SLC36A1: variants seen among roughly 807,000 people sequenced by gnomAD.
SLC36A1 encodes solute carrier family 36 member 1.
Under a neutral mutation model 47.5 loss-of-function variants are expected in SLC36A1, and 30 were observed. That is an observed-to-expected ratio of 0.63 (90% confidence interval 0.47 to 0.86). The LOEUF (loss-of-function observed/expected upper bound fraction) is 0.86. Ranked by LOEUF, SLC36A1 falls within the 40% of genes least tolerant of loss-of-function variation. SLC36A1 has a pLI of 0.00. For missense variants in SLC36A1, 517 were observed against 606.0 expected (o/e 0.85, Z 1.54); for synonymous variants, 255 against 249.7 (o/e 1.02, Z -0.20).
chr5:151,443,619 G>A (rs976830791), upstream of SLC36A1, among the ~76,000 whole-genome samples: 34 of 152,146 alleles, frequency 2.2e-4, no homozygotes, highest in African/African-American at 6.8e-4. Flanking sequence ...ATAAGCTGCC[G>A]TTACACTTTG....
the SLC36A1 span, among the ~76,000 whole-genome samples, chr5:151,417,904 C>G: frequency 2.6e-5 from 4 of 152,182 alleles, no homozygotes; most frequent in East Asian, 7.7e-4. Flanking sequence ...GCCTGGAGGC[C>G]TAGGAGGGTA....
the SLC36A1 span, among the ~76,000 whole-genome samples, chr5:151,391,987 CTTG>C: frequency 6.6e-5 from 10 of 152,098 alleles, no homozygotes; most frequent in Non-Finnish European, 4.4e-5. Context: ...GTACCAGCTC[CTTG>C]TTGTACTTCT....
chr5:151,464,727 A>C (rs1756083309), intron 4 of SLC36A1, 125 bp downstream of exon 4: 1 of 802,532 alleles, frequency 1.2e-6, no homozygotes, highest in Non-Finnish European at 2.1e-6. Context: ...GTAGCAGCTT[A>C]TGATTGCAGC....
At chr5:151,512,928 T>C in the SLC36A1 span, among the ~76,000 whole-genome samples, 86,031 of 152,066 alleles carry the variant, frequency 0.57, 24,820 homozygotes, top group East Asian at 0.83. The surrounding 1 kb of genome is among the most constrained non-coding windows in gnomAD (Gnocchi z 4.1). Context: ...CTGTCCAGAG[T>C]TCCACACTTG....
At chr5:151,351,501 C>G in the SLC36A1 span, among the ~76,000 whole-genome samples, 81,723 of 151,796 alleles carry the variant, frequency 0.54, 24,829 homozygotes, top group African/African-American at 0.84. Flanking sequence ...GAGTGAATTG[C>G]GGATGAGGAG....
the SLC36A1 span, chr5:151,382,162 C>A: frequency 2.0e-6 from 2 of 979,722 alleles, no homozygotes; most frequent in Non-Finnish European, 3.3e-6. Context: ...GAATTGAAGG[C>A]TTTGGTGTGC....
chr5:151,441,856 AATC>A (rs1432776681), intron 1 of SLC36A1, among the ~76,000 whole-genome samples: 5 of 152,176 alleles, frequency 3.3e-5, no homozygotes, highest in Non-Finnish European at 7.4e-5. Context: ...TCACCTGTGA[AATC>A]ATCACAATCA....
rs1756049389 is a variant in SLC36A1, at chr5:151,464,528, C to T, written c.249C>T (p.Ser83=). 2 of 1,613,838 alleles carry T rather than the reference C, an allele frequency of 1.2e-6. No individual in the cohort carries two copies. Among genetic ancestry groups the T allele is most frequent in the African/African-American group, 1.3e-5 (1 of 74,910 alleles). ...KNAGIVMGPI[S]LLIIGIVAVH... is the part of the protein sequence containing the mutation. ...TCTGTCCCCAGATGGGTCCCATCAGCCTGCTGATCATAGGCATCGTGGCCG... is the reference window on the plus strand; with the variant it reads ...TCTGTCCCCAGATGGGTCCCATCAGTCTGCTGATCATAGGCATCGTGGCCG... Residue 83 remains serine, a synonymous_variant, in exon 4 of 11, where the codon AGC becomes AGT. Coordinates refer to ENST00000243389, the MANE Select transcript of SLC36A1 (RefSeq NM_078483.4).
chr5:151,495,682 C>T (rs993371336), downstream of SLC36A1, among the ~76,000 whole-genome samples: 5 of 152,140 alleles, frequency 3.3e-5, no homozygotes, highest in African/African-American at 1.2e-4. Flanking sequence ...CAGTCCCCCA[C>T]ATCCCTAACC....
At chr5:151,507,876 T>C in the SLC36A1 span, among the ~76,000 whole-genome samples, 1 of 152,230 alleles carries the variant, frequency 6.6e-6, no homozygotes, top group African/African-American at 2.4e-5. Context: ...ATCTAGGCAC[T>C]GTATACACTC....
At chr5:151,417,773 A>T in the SLC36A1 span, among the ~76,000 whole-genome samples, 1 of 152,258 alleles carries the variant, frequency 6.6e-6, no homozygotes, top group African/African-American at 2.4e-5. Flanking sequence ...GGTGGGGGGA[A>T]TTCAAGCTGG....
At chr5:151,528,207 A>T in the SLC36A1 span, 1 of 1,563,186 alleles carries the variant, frequency 6.4e-7, no homozygotes, top group South Asian at 1.2e-5. Flanking sequence ...GGAAACAGAT[A>T]TGTCCCTGCC....
At chr5:151,530,010 A>G in the SLC36A1 span, among the ~76,000 whole-genome samples, 9 of 152,344 alleles carry the variant, frequency 5.9e-5, no homozygotes, top group South Asian at 1.9e-3. Flanking sequence ...GCCAATGAAC[A>G]TCTTTTTATA....
chr5:151,531,025 C>T, the SLC36A1 span, among the ~76,000 whole-genome samples: 2 of 152,152 alleles, frequency 1.3e-5, no homozygotes, highest in East Asian at 3.8e-4. The surrounding 1 kb of genome is among the most constrained non-coding windows in gnomAD (Gnocchi z 5.7). Context: ...ACCTGGGTGG[C>T]CTCTGAGGCC....
chr5:151,388,794 C>T, the SLC36A1 span, among the ~76,000 whole-genome samples: 75,341 of 151,874 alleles, frequency 0.5, 20,722 homozygotes, highest in African/African-American at 0.75. Context: ...TGAAATAACT[C>T]GGCCTCTACC....
chr5:151,412,807 A>G, the SLC36A1 span: 1 of 144,028 alleles, frequency 6.9e-6, no homozygotes, highest in Non-Finnish European at 1.5e-5. Context: ...TCCCATCCCT[A>G]TGTCCTCCAG....
the SLC36A1 span, among the ~76,000 whole-genome samples, chr5:151,412,086 A>G: frequency 6.9e-6 from 1 of 145,046 alleles, no homozygotes; most frequent in South Asian, 2.5e-4. Context: ...TTTTGTCTGC[A>G]AACATCCTCC....
chr5:151,397,886 G>A, the SLC36A1 span, among the ~76,000 whole-genome samples: 64,360 of 151,824 alleles, frequency 0.42, 14,017 homozygotes, highest in African/African-American at 0.53. Context: ...GGAGGCCAAG[G>A]TGGGAGGATC....
chr5:151,546,095 G>A, the SLC36A1 span: 18 of 1,614,070 alleles, frequency 1.1e-5, no homozygotes, highest in Non-Finnish European at 1.4e-5. Flanking sequence ...AGGAGGATTG[G>A]GGAACCAACA....
Sources: allele counts gnomAD v4.1 joint callset (sites outside exome capture counted in the v4.1 genomes callset), GRCh38; gene constraint gnomAD v4.1.1; non-coding constraint Gnocchi (gnomAD v3.1); transcripts MANE v1.5; gene names NCBI Gene and HGNC (gene_info 2026-07-23, HGNC 2026-07-21).